Variants in CCDC127 observed in about 807,000 individuals in gnomAD.
CCDC127 encodes coiled-coil domain containing 127.
In CCDC127, 2 loss-of-function variants were observed where a neutral mutation model predicts 4.1. That is an observed-to-expected ratio of 0.49 (90% CI 0.20 to 1.53). CCDC127 has a LOEUF of 1.53. Ranked by LOEUF, CCDC127 falls within the 40% of genes most tolerant of loss-of-function variation. The pLI, the probability that CCDC127 is intolerant of heterozygous loss-of-function variation, is 0.23. For missense variants in CCDC127, 271 were observed against 322.9 expected, an observed-to-expected ratio of 0.84 and a Z score of 1.23; for synonymous variants, 98 against 120.4, an observed-to-expected ratio of 0.81 and a Z score of 1.22.
At position 201,931 on chromosome 5, in the gene CCDC127, A is replaced by G. The variant is rs1734083503; in HGVS notation, c.*3366T>C. On this transcript the variant is annotated 3_prime_UTR_variant, in exon 3 of 3. Coordinates refer to ENST00000296824, the MANE Select transcript of CCDC127 (RefSeq NM_145265.3). ...GAAACCTAGGATCTCCCAGAGCTCC[A>G]CTCCTTACCCCAAAGGGTCCTCTCT... The G allele has an allele frequency of 6.6e-6, 1 of 151,884 alleles. No homozygotes were observed. Among genetic ancestry groups the G allele is most frequent in the Non-Finnish European group, 1.5e-5 (1 of 67,988 alleles). The allele number at this position is 151,884 out of a possible 1,614,324, so 9.4% of individuals were successfully genotyped here. A position where few individuals can be genotyped will look rare whatever the true frequency, so the allele number is the denominator to read the frequency against.
rs1375205439 is a variant in CCDC127, at chr5:198,210, T to C, written c.*7087A>G. ...TCCACTCCCCACATTCGTCTCTGCC[T>C]GCTCTGCAACCACCTAAGTGCTCTC... On this transcript the variant is annotated 3_prime_UTR_variant, in exon 3 of 3. Transcript: ENST00000296824. 1 of 152,322 alleles carries C rather than the reference T, an allele frequency of 6.6e-6. No homozygotes were observed. The highest frequency in any genetic ancestry group is 1.5e-5 in the Non-Finnish European group (1 of 68,096). The allele number at this position is 152,322 out of a possible 1,614,324, so 9.4% of individuals were successfully genotyped here.
At chr5:217,953 G>T in intron 1 of CCDC127, 140 bp downstream of exon 1, 1 of 325,376 alleles carries the variant, frequency 3.1e-6, no homozygotes, top group Non-Finnish European at 4.7e-6. Context: ...GCCCACCTCC[G>T]CGGACGAGCG....
Position 218,121 on chromosome 5 carries a change from T to C in CCDC127, c.-39A>G, listed in dbSNP as rs1734471154. The C allele has an allele frequency of 4.1e-6, 5 of 1,225,080 alleles. No individual in the cohort carries two copies. In the African/African-American group the frequency reaches 4.7e-5, roughly 12 times the overall value. 75.9% of individuals were successfully genotyped at this position (1,225,080 alleles called of 1,614,324 possible). On this transcript the variant is annotated 5_prime_UTR_variant, in exon 1 of 3. Coordinates refer to ENST00000296824, the MANE Select transcript of CCDC127 (RefSeq NM_145265.3). ...GGTCGGGGAGCGCGGGACCTCAGCG[T>C]TCCCTTAACGCCACCGTCCGCGGGT...
intron 2 of CCDC127, chr5:215,195 T>C (rs1374261325): frequency 2.0e-5 from 3 of 151,982 alleles, no homozygotes; most frequent in Admixed American, 2.0e-4. Flanking sequence ...CTCAAACACA[T>C]CGTAACACAC....
intron 2 of CCDC127, among the ~76,000 whole-genome samples, chr5:209,049 GAAC>G (rs201615756): frequency 1.3e-5 from 2 of 152,132 alleles, no homozygotes; most frequent in African/African-American, 4.8e-5. Flanking sequence ...CTGAAAAACA[GAAC>G]AACTCGAAGA....
Position 205,938 on chromosome 5 carries a change from A to G in CCDC127, c.142T>C (p.Ser48Pro). 6.2e-7 allele frequency: 1 copy of G among 1,612,740 alleles called. No homozygotes were observed. Among genetic ancestry groups the G allele is most frequent in the South Asian group, 1.1e-5 (1 of 90,958 alleles). The change falls in exon 3 of 3, where the codon TCC (serine) becomes CCC (proline). Residue 48 changes from serine to proline, a missense_variant. By Grantham distance (74) the Ser-to-Pro change is moderately conservative (BLOSUM62 -1). Around this residue, in one of 2 missense-constraint regions of CCDC127, gnomAD observed 265 missense variants for 270.9 expected, o/e 0.98. Transcript: ENST00000296824. ...CTCTCTTTTTCTACTTCTTTCTGGGACTCCCTAGACCAAATCCAACCTGAC... is the reference window on the plus strand; with the variant it reads ...CTCTCTTTTTCTACTTCTTTCTGGGGCTCCCTAGACCAAATCCAACCTGAC... ...AAFRWIWSRE[S>P]QKEVEKEREA...
Position 201,191 on chromosome 5 carries a change from A to C in CCDC127, c.*4106T>G, listed in dbSNP as rs1274508267. On this transcript the variant is annotated 3_prime_UTR_variant, in exon 3 of 3. Coordinates refer to ENST00000296824, the MANE Select transcript of CCDC127 (RefSeq NM_145265.3). Reference sequence around the variant, plus strand: ...CTGGAACAAGACACCTCGAGGAGGAAGCAGCTGCCACTCATGGCTGCACAC... The same window carrying C: ...CTGGAACAAGACACCTCGAGGAGGACGCAGCTGCCACTCATGGCTGCACAC... 1 of 152,282 alleles carries C rather than the reference A, an allele frequency of 6.6e-6. No individual in the cohort carries two copies. Among genetic ancestry groups the C allele is most frequent in the Non-Finnish European group, 1.5e-5 (1 of 68,082 alleles). The allele number at this position is 152,282 out of a possible 1,614,324, so 9.4% of individuals were successfully genotyped here.
rs772645128 is a variant in CCDC127, at chr5:205,485, C to T, written c.595G>A (p.Val199Ile). The T allele has an allele frequency of 5.6e-5, 90 of 1,613,964 alleles. No individual in the cohort carries two copies. The highest frequency in any genetic ancestry group is 1.6e-4 in the Middle Eastern group (1 of 6,062). ...GCTGCCATCTCTAGGTCAGCGGCGA[C>T]GGGGTCGACGGACGCTCGCACCAGT... ...SLLVRASVDP[V>I]AADLEMAAGL... Residue 199 changes from valine to isoleucine, a missense_variant, in exon 3 of 3, where the codon GTC becomes ATC. Physicochemically the swap from Val to Ile is conservative, Grantham distance 29. This residue lies in a region of CCDC127 where 265 missense variants were observed against 270.9 expected (regional missense o/e 0.98). Coordinates refer to ENST00000296824, the MANE Select transcript of CCDC127 (RefSeq NM_145265.3).
At chr5:213,568 A>G (rs1734318318) in intron 2 of CCDC127, among the ~76,000 whole-genome samples, 1 of 147,856 alleles carries the variant, frequency 6.8e-6, no homozygotes, top group Non-Finnish European at 1.5e-5. Context: ...AGACAGCACC[A>G]CACACCCATC....
rs541861786 is a variant in CCDC127, at chr5:201,994, C to T, written c.*3303G>A. The T allele has an allele frequency of 1.3e-5, 2 of 152,354 alleles. No homozygotes were observed. The highest frequency in any genetic ancestry group is 4.8e-5 in the African/African-American group (2 of 41,572). 9.4% of individuals were successfully genotyped at this position (152,354 alleles called of 1,614,324 possible). A position where few individuals can be genotyped will look rare whatever the true frequency, so the allele number is the denominator to read the frequency against. On this transcript the variant is annotated 3_prime_UTR_variant, in exon 3 of 3. Transcript: ENST00000296824. ...CACGGTTTTATAGTTACTGTGACCT[C>T]CAAGAAAGCAGCAGGACAAATAATG... is the stretch of plus-strand genomic sequence containing the variant.
Position 218,117 on chromosome 5 carries a change from A to G in CCDC127, c.-35T>C. The G allele has an allele frequency of 5.7e-6, 7 of 1,222,594 alleles. No homozygotes were observed. Among genetic ancestry groups the G allele is most frequent in the Non-Finnish European group, 7.1e-6 (7 of 979,266 alleles). The allele number at this position is 1,222,594 out of a possible 1,614,324, so 75.7% of individuals were successfully genotyped here. The stretch of plus-strand genomic sequence containing the variant: ...CCTCGGTCGGGGAGCGCGGGACCTC[A>G]GCGTTCCCTTAACGCCACCGTCCGC... On this transcript the variant is annotated 5_prime_UTR_variant, in exon 1 of 3. Coordinates refer to ENST00000296824, the MANE Select transcript of CCDC127 (RefSeq NM_145265.3).
rs1734071044 is a variant in CCDC127 at position 201,283 on chromosome 5, A to G, written c.*4014T>C. ...GACTTGCTTTTATGTAGCAAACCTA[A>G]TATGTGAAAGTAACTAGAAAGCTGT... On this transcript the variant is annotated 3_prime_UTR_variant, in exon 3 of 3. Coordinates refer to ENST00000296824, the MANE Select transcript of CCDC127 (RefSeq NM_145265.3). The G allele has an allele frequency of 6.6e-6, 1 of 152,274 alleles. No individual in the cohort carries two copies. The highest frequency in any genetic ancestry group is 1.5e-5 in the Non-Finnish European group (1 of 68,064). 9.4% of individuals were successfully genotyped at this position (152,274 alleles called of 1,614,324 possible).
intron 2 of CCDC127, among the ~76,000 whole-genome samples, chr5:210,733 G>A (rs1246444137): frequency 1.5e-5 from 2 of 136,832 alleles, no homozygotes; most frequent in Non-Finnish European, 3.1e-5. Flanking sequence ...GGGCAGACGG[G>A]ACAGCAATGT....
At position 203,325 on chromosome 5, in the gene CCDC127, G is replaced by A. The variant is rs1358981862; in HGVS notation, c.*1972C>T. 6.6e-6 allele frequency: 1 copy of A among 152,298 alleles called. No homozygotes were observed. The highest frequency in any genetic ancestry group is 2.4e-5 in the African/African-American group (1 of 41,468). 9.4% of individuals were successfully genotyped at this position (152,298 alleles called of 1,614,324 possible). ...AGGCACGCTAGCAGCCACTGAAGAAGAGAAGCATCTGAGCACCCTTAGCCA... is the reference window on the plus strand; with the variant it reads ...AGGCACGCTAGCAGCCACTGAAGAAAAGAAGCATCTGAGCACCCTTAGCCA... On this transcript the variant is annotated 3_prime_UTR_variant, in exon 3 of 3. Coordinates refer to ENST00000296824, the MANE Select transcript of CCDC127 (RefSeq NM_145265.3).
chr5:197,572 C>A lies in CCDC127; in HGVS notation c.*7725G>T, dbSNP rs1733988709. The A allele has an allele frequency of 6.6e-6, 1 of 152,298 alleles. No individual in the cohort carries two copies. Among genetic ancestry groups the A allele is most frequent in the African/African-American group, 2.4e-5 (1 of 41,438 alleles). 9.4% of individuals were successfully genotyped at this position (152,298 alleles called of 1,614,324 possible). On this transcript the variant is annotated 3_prime_UTR_variant, in exon 3 of 3. Transcript: ENST00000296824. ...AAACATTTTGTTAACAAGGCACGTC[C>A]TGCACAGCCCTAGATCCCTTAAACC...
At chr5:217,149 G>C in intron 1 of CCDC127, 4 of 182,202 alleles carry the variant, frequency 2.2e-5, no homozygotes, top group Non-Finnish European at 3.4e-5. Flanking sequence ...AAAAGAAAAA[G>C]AAAAAGGAAA....
At position 205,822 on chromosome 5, in the gene CCDC127, A is replaced by C. The variant is rs755168483; in HGVS notation, c.258T>G (p.Ala86=). 6.2e-7 allele frequency: 1 copy of C among 1,614,072 alleles called. No homozygotes were observed. The highest frequency in any genetic ancestry group is 2.2e-5 in the East Asian group (1 of 44,882). The stretch of plus-strand genomic sequence containing the variant: ...CCTTTTCGAGTTCCAAGGACAACTG[A>C]GCGACAGCACGCCGATTTTCTGAGA... The part of the protein sequence containing the change: ...AMISENRRAV[A]QLSLELEKEQ... Residue 86 remains alanine (A), a synonymous_variant, in exon 3 of 3, where the codon GCT becomes GCG. Transcript: ENST00000296824.
intron 2 of CCDC127, among the ~76,000 whole-genome samples, chr5:208,144 G>C (rs1021557612): frequency 6.6e-6 from 1 of 152,108 alleles, no homozygotes; most frequent in African/African-American, 2.4e-5. Flanking sequence ...CCTGCTTCTG[G>C]GAAGACGGAG....
rs201444506 is a variant in CCDC127, at chr5:205,498, C to T, written c.582G>A (p.Ala194=). 5.0e-6 allele frequency: 8 copies of T among 1,613,932 alleles called. No individual in the cohort carries two copies. The highest frequency in any genetic ancestry group is 2.2e-5 in the South Asian group (2 of 91,086). Residue 194 remains alanine, a synonymous_variant, in exon 3 of 3, where the codon GCG becomes GCA. Transcript: ENST00000296824. ...LEIEKSLLVR[A]SVDPVAADLE... Reference sequence around the variant, plus strand: ...GGTCAGCGGCGACGGGGTCGACGGACGCTCGCACCAGTAAGCTCTTCTCTA... The same window carrying T: ...GGTCAGCGGCGACGGGGTCGACGGATGCTCGCACCAGTAAGCTCTTCTCTA...
Sources: gnomAD v4.1 joint callset for allele counts (sites outside exome capture counted in the v4.1 genomes callset) on GRCh38, gnomAD v4.1.1 for gene constraint, gnomAD v4.1.1 regional missense constraint, MANE v1.5 for transcripts, NCBI Gene and HGNC (gene_info 2026-07-23, HGNC 2026-07-21) for gene names.